The following DPP6 variants were observed in gnomAD, a reference collection of about 807,000 sequenced individuals.
DPP6 encodes the protein dipeptidyl peptidase like 6, also known as A-type potassium channel modulatory protein DPP6.
In DPP6, 69 loss-of-function variants were observed where a neutral mutation model predicts 122.6. The ratio of observed to expected loss-of-function variants is 0.56; its 90% CI spans 0.46 to 0.69. The LOEUF is 0.69. Ranked by LOEUF, DPP6 falls within the 30% of genes least tolerant of loss-of-function variation. DPP6 has a pLI of 0.00. For synonymous variants in DPP6, 418 were observed against 433.1 expected (o/e 0.97, Z 0.43); for missense variants, 928 against 1,116.9 (o/e 0.83, Z 2.41).
chr7:154,727,231 G>C (rs1282117265), intron 7 of DPP6, among the ~76,000 whole-genome samples: 1 of 152,196 alleles, frequency 6.6e-6, no homozygotes, highest in African/African-American at 2.4e-5. Context: ...GGAGGCCTCA[G>C]GAAACTTTCA....
Position 154,412,746 on chromosome 7 carries a change from G to A in DPP6, c.244-33468G>A, listed in dbSNP as rs186984868. ...GCACTTATTCAATGCCGCCCAATCCGAGTGACTTCATCTCACTCGACGACC... is the reference window on the plus strand; with the variant it reads ...GCACTTATTCAATGCCGCCCAATCCAAGTGACTTCATCTCACTCGACGACC... On this transcript the variant is annotated intron_variant, in intron 1 of 25. Coordinates refer to ENST00000377770, the MANE Select transcript of DPP6 (RefSeq NM_130797.4). Among the ~76,000 whole-genome samples, 19 of 151,978 alleles carry A rather than the reference G, an allele frequency of 1.3e-4. No individual in the cohort carries two copies. In the East Asian group the frequency reaches 2.7e-3, roughly 22 times the overall value.
At chr7:154,510,153 A>G (rs1380362250) in intron 3 of DPP6, among the ~76,000 whole-genome samples, 1 of 152,184 alleles carries the variant, frequency 6.6e-6, no homozygotes, top group Admixed American at 6.5e-5. Flanking sequence ...TGTTAATAAG[A>G]TACTGGCCTA....
intron 1 of DPP6, among the ~76,000 whole-genome samples, chr7:154,181,332 A>C (rs1361011383): frequency 6.6e-6 from 1 of 152,198 alleles, no homozygotes; most frequent in East Asian, 1.9e-4. Flanking sequence ...GTGACAAGGC[A>C]TCATGGGAGA....
At chr7:154,453,134 G>A (rs766662984) in intron 2 of DPP6, among the ~76,000 whole-genome samples, 4 of 152,196 alleles carry the variant, frequency 2.6e-5, no homozygotes, top group Non-Finnish European at 4.4e-5. Context: ...CGCTGACGTG[G>A]GGGTCGGAAA....
chr7:154,567,159 A>T (rs760319059), intron 5 of DPP6, among the ~76,000 whole-genome samples: 22 of 152,146 alleles, frequency 1.4e-4, no homozygotes, highest in Non-Finnish European at 2.5e-4. Context: ...TCTTAGGAGG[A>T]TGGTAAGAAC....
chr7:153,933,312 C>T (rs753363974), intron 1 of DPP6, among the ~76,000 whole-genome samples: 1 of 152,106 alleles, frequency 6.6e-6, no homozygotes. Flanking sequence ...ATGTTCCATA[C>T]AGCTCTAAGC....
intron 5 of DPP6, among the ~76,000 whole-genome samples, chr7:154,593,741 C>T (rs551729746): frequency 3.7e-4 from 57 of 152,298 alleles, no homozygotes; most frequent in African/African-American, 1.2e-3. Flanking sequence ...CCTTTCCACA[C>T]GCATGGCTCT....
chr7:154,126,787 A>T (rs2150620702), intron 1 of DPP6, among the ~76,000 whole-genome samples: 1 of 152,328 alleles, frequency 6.6e-6, no homozygotes, highest in South Asian at 2.1e-4. Context: ...TTTGTATGCC[A>T]AGAAGGAGGC....
Position 154,448,519 on chromosome 7 carries a change from A to T in DPP6, c.358+2191A>T, listed in dbSNP as rs75747889. ...CAATACTCCCTAAACTGATGTGCAG[A>T]TTCAACCAAATCTCTATCAAAATCC... On this transcript the variant is annotated intron_variant, in intron 2 of 25. Coordinates refer to ENST00000377770, the MANE Select transcript of DPP6 (RefSeq NM_130797.4). Among the ~76,000 whole-genome samples, 5 of 152,326 alleles carry T rather than the reference A, an allele frequency of 3.3e-5. No individual in the cohort carries two copies. In the East Asian group the frequency reaches 9.7e-4, roughly 29 times the overall value.
At chr7:153,893,337 C>T (rs984430351) in intron 1 of DPP6, among the ~76,000 whole-genome samples, 1 of 152,228 alleles carries the variant, frequency 6.6e-6, no homozygotes, top group African/African-American at 2.4e-5. Context: ...TTTGAACCCT[C>T]TGTGCTATTA....
intron 3 of DPP6, among the ~76,000 whole-genome samples, chr7:154,493,454 G>C (rs1046143387): frequency 6.6e-6 from 1 of 152,134 alleles, no homozygotes; most frequent in African/African-American, 2.4e-5. Flanking sequence ...TTGACACAAA[G>C]AATTGAGGAT....
At chr7:154,196,286 T>C (rs1258499999) in intron 1 of DPP6, among the ~76,000 whole-genome samples, 1 of 152,174 alleles carries the variant, frequency 6.6e-6, no homozygotes, top group African/African-American at 2.4e-5. Flanking sequence ...GGTCAGGAGT[T>C]GGAGACCAGC....
At chr7:154,661,716 A>G (rs1271748824) in intron 6 of DPP6, among the ~76,000 whole-genome samples, 21 of 142,048 alleles carry the variant, frequency 1.5e-4, no homozygotes, top group Admixed American at 2.7e-4. Context: ...ACCATGGCAT[A>G]TTGGCCGTAG....
intron 1 of DPP6, among the ~76,000 whole-genome samples, chr7:154,207,341 T>C (rs148567378): frequency 6.6e-6 from 1 of 152,328 alleles, no homozygotes; most frequent in East Asian, 1.9e-4. Flanking sequence ...AGGATGCGTA[T>C]TTTACTTTTA....
At chr7:154,170,848 T>G (rs1350637767) in intron 1 of DPP6, among the ~76,000 whole-genome samples, 2 of 152,210 alleles carry the variant, frequency 1.3e-5, no homozygotes, top group Non-Finnish European at 2.9e-5. Flanking sequence ...AGCCTGGATT[T>G]GCATTGCCTA....
chr7:154,881,918 C>A (rs565915243), intron 21 of DPP6, among the ~76,000 whole-genome samples: 1 of 152,168 alleles, frequency 6.6e-6, no homozygotes, highest in Admixed American at 6.5e-5. Context: ...CTGTGAGGCC[C>A]GAAGCCACTG....
intron 1 of DPP6, among the ~76,000 whole-genome samples, chr7:154,073,245 T>C (rs1304975045): frequency 6.6e-6 from 1 of 152,364 alleles, no homozygotes; most frequent in East Asian, 1.9e-4. Flanking sequence ...TTGTGGCTGC[T>C]TTCAGGCACC....
At chr7:154,644,946 G>A (rs1301613360) in intron 6 of DPP6, among the ~76,000 whole-genome samples, 1 of 151,964 alleles carries the variant, frequency 6.6e-6, no homozygotes. Flanking sequence ...CCTGAGCTCA[G>A]GCAATCCACC....
chr7:154,058,162 GGGGGAGGCAA>G, intron 1 of DPP6: 4 of 146,696 alleles, frequency 2.7e-5, no homozygotes, highest in East Asian at 2.1e-4. Context: ...CCATCGCAGG[GGGGGAGGCAA>G]TCCCCGCGAG....
Sources: gnomAD v4.1 joint callset for allele counts (sites outside exome capture counted in the v4.1 genomes callset) on GRCh38, gnomAD v4.1.1 for gene constraint, MANE v1.5 for transcripts, NCBI Gene and HGNC (gene_info 2026-07-23, HGNC 2026-07-21) for gene names.